The following SYNPO2 variants were observed in gnomAD, a reference collection of about 807,000 sequenced individuals.
SYNPO2 encodes synaptopodin-2.
A neutral mutation model predicts 85.0 loss-of-function variants in SYNPO2; 56 were observed. The observed-to-expected ratio is 0.66, with a 90% CI of 0.53 to 0.82. The LOEUF (loss-of-function observed/expected upper bound fraction) is 0.82, where lower values mean the gene tolerates loss of function less well. Ranked by LOEUF, SYNPO2 falls within the 40% of genes least tolerant of loss-of-function variation. The pLI, the probability that SYNPO2 is intolerant of heterozygous loss-of-function variation, is 0.00. For missense variants in SYNPO2, 1,575 were observed against 1,534.2 expected (o/e 1.03, Z -0.44); for synonymous variants, 602 against 591.1 (o/e 1.02, Z -0.27).
chr4:119,052,306 G>C (rs933360281), intron 4 of SYNPO2, among the ~76,000 whole-genome samples: 12 of 152,174 alleles, frequency 7.9e-5, no homozygotes, highest in Non-Finnish European at 1.5e-5. Flanking sequence ...ATGGATCCTA[G>C]TAGCTACACA....
chr4:118,982,266 G>T (rs1025962660), intron 1 of SYNPO2, among the ~76,000 whole-genome samples: 1 of 152,128 alleles, frequency 6.6e-6, no homozygotes, highest in African/African-American at 2.4e-5. Flanking sequence ...TGAAAAAAAA[G>T]ATAATGTCCA....
rs545417094 is a variant in SYNPO2 at position 118,879,677 on chromosome 4, C to T, written c.12+28737C>T. Among the ~76,000 whole-genome samples the T allele has an allele frequency of 3.9e-5, 6 of 152,254 alleles. No individual in the cohort carries two copies. The South Asian group carries it at 1.2e-3, about 32-fold the overall frequency. On this transcript the variant is annotated intron_variant, in intron 1 of 4. Coordinates refer to the SYNPO2 transcript ENST00000610556. ...ACTGTGTTATGGCAGTCCAAAGAGA[C>T]TAAAACACGAGGGGCTGCAAAGGTC...
At chr4:119,053,422 G>C (rs142468307) in intron 4 of SYNPO2, among the ~76,000 whole-genome samples, 1 of 152,178 alleles carries the variant, frequency 6.6e-6, no homozygotes, top group African/African-American at 2.4e-5. Flanking sequence ...GAATGTGAAG[G>C]CATGTTCGTC....
At position 119,031,409 on chromosome 4, in the gene SYNPO2, A is replaced by T. The variant is rs1448991794; in HGVS notation, c.2634A>T (p.Lys878Asn). ...MSGRGAQLFA[K>N]RQSRMEKYVV... ...GGAGAGGAGCTCAGCTCTTTGCTAA[A>T]AGGCAGTCGAGAATGGAGAAGTATG... The change falls in exon 4 of 5, where the codon AAA becomes AAT. Residue 878 changes from lysine to asparagine, a missense_variant. Lys to Asn is a moderately conservative substitution (Grantham distance 94). Transcript: ENST00000307142. 3 of 1,614,170 alleles carry T rather than the reference A, an allele frequency of 1.9e-6. No individual in the cohort carries two copies. The highest frequency in any genetic ancestry group is 2.5e-6 in the Non-Finnish European group (3 of 1,180,030).
chr4:119,025,052 G>C lies in SYNPO2; in HGVS notation c.257+1471G>C, dbSNP rs190843768. Among the ~76,000 whole-genome samples, 19 of 152,280 alleles carry C rather than the reference G, an allele frequency of 1.2e-4. No homozygotes were observed. The East Asian group carries it at 3.7e-3, about 29-fold the overall frequency. On this transcript the variant is annotated intron_variant, in intron 2 of 4. Transcript: ENST00000307142. ...CTATGTAGACTGATGGGAAATGAAT[G>C]TTTTAAGGCATAAAGCTTTATTCGC...
At chr4:119,035,014 A>T (rs983137936) in intron 4 of SYNPO2, 1 of 985,492 alleles carries the variant, frequency 1.0e-6, no homozygotes, top group Non-Finnish European at 1.2e-6. Flanking sequence ...TAGGCAGAGC[A>T]TCCACGAAGT....
intron 4 of SYNPO2, chr4:119,033,425 A>G: frequency 3.0e-6 from 3 of 985,430 alleles, no homozygotes; most frequent in Non-Finnish European, 3.6e-6. Context: ...TGAAGTGAAT[A>G]ATGGTACTGA....
chr4:118,852,306 T>C (rs1301831527), intron 1 of SYNPO2, among the ~76,000 whole-genome samples: 2 of 152,324 alleles, frequency 1.3e-5, no homozygotes, highest in East Asian at 3.9e-4. Context: ...TGGAAGACAG[T>C]GTGGTGATTC....
chr4:118,956,285 G>A (rs757767259), intron 1 of SYNPO2, among the ~76,000 whole-genome samples: 4 of 152,110 alleles, frequency 2.6e-5, no homozygotes, highest in Non-Finnish European at 4.4e-5. Flanking sequence ...TAACCAGAAA[G>A]TCACTAAAAC....
At position 119,054,637 on chromosome 4, in the gene SYNPO2, C is replaced by T. The variant is rs181284626; in HGVS notation, c.3253-2764C>T. On this transcript the variant is annotated intron_variant, in intron 4 of 4. Coordinates refer to ENST00000307142, the MANE Select transcript of SYNPO2 (RefSeq NM_133477.3). ...AAGGTCCGGCCATCTCTCCCTCTAC[C>T]GACTGAGTCTGGGGTCTTTATAATA... is the stretch of plus-strand genomic sequence containing the variant. 6.6e-5 allele frequency among the ~76,000 whole-genome samples: 10 copies of T among 152,158 alleles called. No individual in the cohort carries two copies. The East Asian group carries it at 1.7e-3, about 27-fold the overall frequency.
chr4:118,988,745 G>A (rs1225637937), intron 1 of SYNPO2, among the ~76,000 whole-genome samples: 2 of 152,186 alleles, frequency 1.3e-5, no homozygotes, highest in Non-Finnish European at 2.9e-5. Context: ...AAGCACAGCT[G>A]TGAGAGCTAC....
At chr4:119,037,235 A>T in intron 4 of SYNPO2, 1 of 1,509,454 alleles carries the variant, frequency 6.6e-7, no homozygotes, top group Non-Finnish European at 8.9e-7. Context: ...AACACAAAGA[A>T]ATCCTGCTTT....
intron 1 of SYNPO2, among the ~76,000 whole-genome samples, chr4:118,940,408 T>C (rs1157156646): frequency 6.6e-6 from 1 of 152,200 alleles, no homozygotes; most frequent in Non-Finnish European, 1.5e-5. Flanking sequence ...TAGAAAACAT[T>C]AGAATTACTT....
chr4:119,057,444 C>T lies in SYNPO2; in HGVS notation c.3296C>T (p.Pro1099Leu). ...SLSLPGRSVP[P>L]PISTSPWVYQ... ...TCTCTTCCTGGAAGATCAGTCCCAC[C>T]CCCCATTTCTACATCTCCTTGGGTA... is the stretch of plus-strand genomic sequence containing the variant. Residue 1099 changes from proline to leucine, a missense_variant, in exon 5 of 5, where the codon CCC (proline) becomes CTC (leucine). Transcript: ENST00000307142. 2 of 1,612,810 alleles carry T rather than the reference C, an allele frequency of 1.2e-6. No homozygotes were observed. The highest frequency in any genetic ancestry group is 1.7e-6 in the Non-Finnish European group (2 of 1,179,550).
Position 119,023,592 on chromosome 4 carries a change from T to A in SYNPO2, c.257+11T>A. On this transcript the variant is annotated intron_variant, in intron 2 of 4. Coordinates refer to ENST00000307142, the MANE Select transcript of SYNPO2 (RefSeq NM_133477.3). ...AATGCTCATCAAAAGGTACAACAGA[T>A]TTGCTGGAATATGTATTTTCTCTTG... 3 of 1,607,292 alleles carry A rather than the reference T, an allele frequency of 1.9e-6. No individual in the cohort carries two copies. The highest frequency in any genetic ancestry group is 2.5e-6 in the Non-Finnish European group (3 of 1,176,514).
At chr4:118,867,728 G>A (rs1731725607) in intron 1 of SYNPO2, among the ~76,000 whole-genome samples, 1 of 135,182 alleles carries the variant, frequency 7.4e-6, no homozygotes, top group Non-Finnish European at 1.6e-5. Flanking sequence ...GAGTTCCTTG[G>A]TCAAAACAAT....
intron 1 of SYNPO2, among the ~76,000 whole-genome samples, chr4:118,989,086 TG>T (rs1455736179): frequency 2.0e-5 from 3 of 152,202 alleles, no homozygotes; most frequent in African/African-American, 7.2e-5. Flanking sequence ...TTTAAAGGCC[TG>T]GAACTAGGGA....
chr4:118,874,237 A>G (rs1471470118), intron 1 of SYNPO2, among the ~76,000 whole-genome samples: 5 of 152,244 alleles, frequency 3.3e-5, no homozygotes, highest in African/African-American at 1.2e-4. Flanking sequence ...TATGTTTAAC[A>G]TTATTAGCTT....
intron 4 of SYNPO2, among the ~76,000 whole-genome samples, chr4:119,044,227 A>T (rs1260197719): frequency 6.6e-6 from 1 of 152,272 alleles, no homozygotes; most frequent in Non-Finnish European, 1.5e-5. Flanking sequence ...TTTGAAAAGC[A>T]CATGATCGTG....
Sources: gnomAD v4.1 joint callset for allele counts (sites outside exome capture counted in the v4.1 genomes callset) on GRCh38, gnomAD v4.1.1 for gene constraint, MANE v1.5 for transcripts, NCBI Gene and HGNC (gene_info 2026-07-23, HGNC 2026-07-21) for gene names.